ESRRG: variants seen among roughly 807,000 people sequenced by gnomAD.
The protein encoded by ESRRG is estrogen related receptor gamma.
Under a neutral mutation model 44.0 loss-of-function variants are expected in ESRRG, and 13 were observed. That is an observed-to-expected ratio of 0.30 (90% CI 0.19 to 0.47). The LOEUF is 0.47. Ranked by LOEUF, ESRRG falls within the 20% of genes least tolerant of loss-of-function variation. The pLI is 1.00. For synonymous variants in ESRRG, 215 were observed against 214.6 expected, an observed-to-expected ratio of 1.00 and a Z score of -0.02; for missense variants, 395 against 580.6, an observed-to-expected ratio of 0.68 and a Z score of 3.29.
chr1:217,078,762 G>T (rs373442714), intron 1 of ESRRG, among the ~76,000 whole-genome samples: 1 of 152,160 alleles, frequency 6.6e-6, no homozygotes, highest in Non-Finnish European at 1.5e-5. Context: ...AGAAACCTTT[G>T]TATGTAAGGT....
At chr1:216,952,458 C>T (rs899600209) in intron 1 of ESRRG, among the ~76,000 whole-genome samples, 3 of 152,146 alleles carry the variant, frequency 2.0e-5, no homozygotes, top group African/African-American at 7.2e-5. Context: ...GATCTTATTG[C>T]ATTCCTGAAT....
intron 3 of ESRRG, among the ~76,000 whole-genome samples, chr1:216,634,817 T>C (rs1040211201): frequency 3.3e-5 from 5 of 152,180 alleles, no homozygotes; most frequent in Non-Finnish European, 7.3e-5. Context: ...TCAAACATCA[T>C]TCTGGCCTGA....
At chr1:216,953,742 AG>A (rs768094215) in intron 1 of ESRRG, among the ~76,000 whole-genome samples, 2 of 152,144 alleles carry the variant, frequency 1.3e-5, no homozygotes, top group African/African-American at 4.8e-5. Flanking sequence ...GTACAGGCAA[AG>A]GTTCTACTTG....
At chr1:217,001,529 G>A (rs2150656327) in intron 1 of ESRRG, among the ~76,000 whole-genome samples, 1 of 152,308 alleles carries the variant, frequency 6.6e-6, no homozygotes, top group East Asian at 1.9e-4. Flanking sequence ...AGACCTCATT[G>A]AAAATGTAAC....
intron 5 of ESRRG, among the ~76,000 whole-genome samples, chr1:216,532,046 A>G (rs1294628969): frequency 1.3e-5 from 2 of 152,040 alleles, no homozygotes; most frequent in Non-Finnish European, 2.9e-5. Context: ...TCCTAACTAG[A>G]TTTGAGTAGC....
intron 1 of ESRRG, among the ~76,000 whole-genome samples, chr1:216,963,537 G>A (rs1482806848): frequency 6.6e-6 from 1 of 152,130 alleles, no homozygotes; most frequent in African/African-American, 2.4e-5. Context: ...GCATTTGATG[G>A]CTTCCTCTCG....
intron 2 of ESRRG, among the ~76,000 whole-genome samples, chr1:216,844,137 A>ATATGAACCTCAT (rs1309451604): frequency 6.6e-6 from 1 of 152,040 alleles, no homozygotes; most frequent in Admixed American, 6.6e-5. Context: ...CCTTCCAGCC[A>ATATGAACCTCAT]TATGAACCTC....
intron 1 of ESRRG, among the ~76,000 whole-genome samples, chr1:217,080,675 T>G (rs1365090772): frequency 6.8e-5 from 6 of 88,078 alleles, no homozygotes; most frequent in African/African-American, 1.1e-4. Context: ...TTTTTGGTTT[T>G]TTTTTTTTTT....
At chr1:216,516,550 T>C (rs1000527582) in intron 6 of ESRRG, among the ~76,000 whole-genome samples, 6 of 151,632 alleles carry the variant, frequency 4.0e-5, no homozygotes, top group African/African-American at 9.7e-5. Context: ...AAAGCTAAGA[T>C]ACCTACCTAA....
intron 5 of ESRRG, among the ~76,000 whole-genome samples, chr1:216,535,690 TCTTATA>T (rs2050733518): frequency 1.3e-5 from 2 of 152,086 alleles, no homozygotes; most frequent in Non-Finnish European, 2.9e-5. Flanking sequence ...CCTCTCCATT[TCTTATA>T]CTTATAATCT....
At chr1:216,708,893 G>T (rs569519353) in intron 1 of ESRRG, among the ~76,000 whole-genome samples, 1 of 152,244 alleles carries the variant, frequency 6.6e-6, no homozygotes, top group East Asian at 1.9e-4. Flanking sequence ...CATAAAAAAA[G>T]GATGAGTTCA....
chr1:216,870,507 C>T (rs2096245105), intron 2 of ESRRG, among the ~76,000 whole-genome samples: 1 of 151,876 alleles, frequency 6.6e-6, no homozygotes, highest in South Asian at 2.1e-4. Context: ...CAGGATTACT[C>T]TTCTGGCCTC....
At chr1:216,518,917 T>A (rs535453943) in intron 6 of ESRRG, among the ~76,000 whole-genome samples, 1 of 152,324 alleles carries the variant, frequency 6.6e-6, no homozygotes, top group East Asian at 1.9e-4. Flanking sequence ...AATTAGTACA[T>A]GCATTAGTTG....
intron 1 of ESRRG, among the ~76,000 whole-genome samples, chr1:217,009,998 C>T (rs932436836): frequency 3.9e-5 from 6 of 152,070 alleles, no homozygotes; most frequent in African/African-American, 1.4e-4. Context: ...GCCACCGCGC[C>T]CGGCCTGAGT....
At chr1:216,699,886 G>T (rs542965412) in intron 1 of ESRRG, among the ~76,000 whole-genome samples, 43 of 152,278 alleles carry the variant, frequency 2.8e-4, no homozygotes, top group Middle Eastern at 3.4e-3. Context: ...TGACTAGAAA[G>T]CCTCGCCTAT....
At chr1:217,011,859 T>C (rs1482110598) in intron 1 of ESRRG, among the ~76,000 whole-genome samples, 1 of 152,150 alleles carries the variant, frequency 6.6e-6, no homozygotes, top group African/African-American at 2.4e-5. Flanking sequence ...TCTTAGTACT[T>C]ACCTAATTTG....
At chr1:217,129,023 G>A (rs1445820980) in intron 1 of ESRRG, among the ~76,000 whole-genome samples, 3 of 151,892 alleles carry the variant, frequency 2.0e-5, no homozygotes, top group Admixed American at 2.0e-4. Flanking sequence ...ATGAATAACA[G>A]AGCACTATCA....
At chr1:216,652,478 G>A (rs1351274284) in intron 2 of ESRRG, among the ~76,000 whole-genome samples, 3 of 152,036 alleles carry the variant, frequency 2.0e-5, no homozygotes, top group Admixed American at 6.6e-5. Flanking sequence ...AACTGGTTAA[G>A]TATGCATGAC....
chr1:217,080,841 T>C (rs955346157), intron 1 of ESRRG, among the ~76,000 whole-genome samples: 1 of 151,682 alleles, frequency 6.6e-6, no homozygotes, highest in Admixed American at 6.6e-5. Context: ...TCATGACCAG[T>C]TAATTTTTTG....
Sources: allele counts gnomAD v4.1 joint callset (sites outside exome capture counted in the v4.1 genomes callset), GRCh38; gene constraint gnomAD v4.1.1; transcripts MANE v1.5; gene names NCBI Gene and HGNC (gene_info 2026-07-23, HGNC 2026-07-21).